The following MEI4 variants were observed in gnomAD, a reference collection of about 807,000 sequenced individuals.
MEI4 encodes meiosis-specific protein MEI4.
A neutral mutation model predicts 31.4 loss-of-function variants in MEI4; 27 were observed. That is an observed-to-expected ratio of 0.86 (90% CI 0.63 to 1.19). The LOEUF is 1.19. Ranked by LOEUF, MEI4 falls within the 50% of genes most tolerant of loss-of-function variation. The pLI, the probability that MEI4 is intolerant of heterozygous loss-of-function variation, is 0.00. For synonymous variants in MEI4, 122 were observed against 145.4 expected, an observed-to-expected ratio of 0.84 and a Z score of 1.16; for missense variants, 329 against 398.9, an observed-to-expected ratio of 0.82 and a Z score of 1.49.
chr6:77,788,514 A>C (rs561244018), intron 3 of MEI4, among the ~76,000 whole-genome samples: 2 of 152,296 alleles, frequency 1.3e-5, no homozygotes, highest in Admixed American at 1.3e-4. Flanking sequence ...CCATTGTCTC[A>C]GTCCAAAATC....
intron 3 of MEI4, among the ~76,000 whole-genome samples, chr6:77,796,790 T>C (rs977057192): frequency 1.3e-5 from 2 of 152,122 alleles, no homozygotes; most frequent in Non-Finnish European, 2.9e-5. Context: ...TTCAGTGCCA[T>C]CCACATTAAA....
intron 1 of MEI4, among the ~76,000 whole-genome samples, chr6:77,669,090 A>C (rs188181193): frequency 1.9e-3 from 292 of 152,322 alleles, no homozygotes; most frequent in Non-Finnish European, 3.2e-3. Flanking sequence ...ATTTTCTGTT[A>C]ATACAGACAT....
chr6:77,917,586 T>C (rs1486359508), intron 4 of MEI4, among the ~76,000 whole-genome samples: 2 of 89,824 alleles, frequency 2.2e-5, no homozygotes, highest in African/African-American at 1.1e-4. Context: ...GAAGTGTCTG[T>C]TCATGTCCTT....
At chr6:77,664,803 AC>A (rs1017709406) in intron 1 of MEI4, among the ~76,000 whole-genome samples, 7 of 152,146 alleles carry the variant, frequency 4.6e-5, no homozygotes, top group Non-Finnish European at 1.5e-5. Context: ...CTTTTCTAAG[AC>A]AAGAATTATT....
At chr6:77,815,996 T>C (rs532109634) in intron 3 of MEI4, among the ~76,000 whole-genome samples, 1 of 152,086 alleles carries the variant, frequency 6.6e-6, no homozygotes, top group East Asian at 1.9e-4. Context: ...AAAAAACGAA[T>C]GTAAAATTCT....
At chr6:77,782,649 C>T (rs556859597) in intron 3 of MEI4, among the ~76,000 whole-genome samples, 1 of 152,190 alleles carries the variant, frequency 6.6e-6, no homozygotes, top group East Asian at 1.9e-4. Context: ...ACTTAGAAAG[C>T]AATGAGAAGA....
At chr6:77,875,330 A>G (rs138788934) in intron 4 of MEI4, among the ~76,000 whole-genome samples, 2 of 152,368 alleles carry the variant, frequency 1.3e-5, no homozygotes, top group East Asian at 1.9e-4. Context: ...TTTCACTACC[A>G]TAGAACTCCT....
chr6:77,824,652 GT>G (rs1225026227), intron 3 of MEI4, among the ~76,000 whole-genome samples: 1 of 5,752 alleles, frequency 1.7e-4, no homozygotes, highest in Non-Finnish European at 2.6e-4. Context: ...AGACATTCAA[GT>G]TAAAAAAAAA....
At chr6:77,889,151 C>G (rs1161470449) in intron 4 of MEI4, among the ~76,000 whole-genome samples, 1 of 152,098 alleles carries the variant, frequency 6.6e-6, no homozygotes. Context: ...ACCCCACTGT[C>G]TGTGGTATCT....
At chr6:77,739,078 A>G (rs979999009) in intron 2 of MEI4, among the ~76,000 whole-genome samples, 9 of 152,166 alleles carry the variant, frequency 5.9e-5, no homozygotes, top group Admixed American at 5.2e-4. Context: ...CCAGCTCTTT[A>G]GTTTAATTAG....
At chr6:77,872,509 A>T (rs2127725725) in intron 4 of MEI4, among the ~76,000 whole-genome samples, 1 of 152,276 alleles carries the variant, frequency 6.6e-6, no homozygotes, top group Middle Eastern at 3.4e-3. Context: ...AATGTTTACG[A>T]AAGGTGGCAG....
At chr6:77,775,154 T>A (rs974346543) in intron 3 of MEI4, among the ~76,000 whole-genome samples, 1 of 152,146 alleles carries the variant, frequency 6.6e-6, no homozygotes, top group East Asian at 1.9e-4. Flanking sequence ...CATCTCAGAT[T>A]CTTAATTTAA....
intron 2 of MEI4, among the ~76,000 whole-genome samples, chr6:77,746,415 A>AG (rs748230590): frequency 1.3e-5 from 2 of 152,080 alleles, no homozygotes; most frequent in African/African-American, 2.4e-5. Flanking sequence ...TCCTTAAGTA[A>AG]GGGGGGACTC....
intron 4 of MEI4, among the ~76,000 whole-genome samples, chr6:77,834,347 T>C (rs1469586811): frequency 6.7e-6 from 1 of 148,832 alleles, no homozygotes; most frequent in Non-Finnish European, 1.5e-5. Context: ...TTTTCTCTGT[T>C]TTTGACTGGT....
chr6:77,651,015 G>A (rs1016307002), upstream of MEI4, among the ~76,000 whole-genome samples: 4 of 152,192 alleles, frequency 2.6e-5, no homozygotes, highest in African/African-American at 9.7e-5. Flanking sequence ...TGGGACAGAC[G>A]TGGTCTTTTG....
chr6:77,847,926 TAGAA>T lies in MEI4; in HGVS notation c.900+18867_900+18870del, dbSNP rs1204284043. Among the ~76,000 whole-genome samples, 2 of 152,264 alleles carry T rather than the reference TAGAA, an allele frequency of 1.3e-5. No individual in the cohort carries two copies. The highest frequency in any genetic ancestry group is 2.1e-4 in the South Asian group (1 of 4,832). ...TTCCAAGCTGTAATTCACTCAGAAT[TAGAA>T]AGGAAAAAAGGAAAGGAAAGAACGT... On this transcript the variant is annotated intron_variant, in intron 4 of 4. Coordinates refer to ENST00000684080, the MANE Select transcript of MEI4 (RefSeq NM_001322247.2). The surrounding 1 kb of genome is among the most constrained non-coding windows in gnomAD (Gnocchi z 4.6).
At chr6:77,758,033 G>A (rs1212162722) in intron 2 of MEI4, among the ~76,000 whole-genome samples, 1 of 151,928 alleles carries the variant, frequency 6.6e-6, no homozygotes, top group African/African-American at 2.4e-5. Context: ...GCATGTGCCT[G>A]TAGTCCCAGC....
intron 3 of MEI4, among the ~76,000 whole-genome samples, chr6:77,783,752 T>C (rs974836618): frequency 6.6e-6 from 1 of 152,130 alleles, no homozygotes; most frequent in African/African-American, 2.4e-5. Context: ...ATGTTGCCAG[T>C]AGGATATTCT....
chr6:77,812,314 TAAAGA>T (rs1359588288), intron 3 of MEI4, among the ~76,000 whole-genome samples: 1 of 151,890 alleles, frequency 6.6e-6, no homozygotes, highest in Non-Finnish European at 1.5e-5. Context: ...AAAATACAAA[TAAAGA>T]AAAGCAAGCA....
Sources: allele counts gnomAD v4.1 joint callset (sites outside exome capture counted in the v4.1 genomes callset), GRCh38; gene constraint gnomAD v4.1.1; non-coding constraint Gnocchi (gnomAD v3.1); transcripts MANE v1.5; gene names NCBI Gene and HGNC (gene_info 2026-07-23, HGNC 2026-07-21).